Variants in ISM1 observed in about 807,000 individuals in gnomAD.
ISM1 encodes isthmin 1.
Under a neutral mutation model 46.3 loss-of-function variants are expected in ISM1, and 25 were observed. The ratio of observed to expected loss-of-function variants is 0.54; its 90% confidence interval spans 0.39 to 0.75. The LOEUF is 0.75. Ranked by LOEUF, ISM1 falls within the 30% of genes least tolerant of loss-of-function variation. ISM1 has a pLI of 0.00. For synonymous variants in ISM1, 255 were observed against 256.7 expected, an observed-to-expected ratio of 0.99 and a Z score of 0.06; for missense variants, 536 against 625.4, an observed-to-expected ratio of 0.86 and a Z score of 1.52.
Position 13,299,181 on chromosome 20 carries a change from C to A in ISM1, c.1117C>A (p.Leu373Met). 6.2e-7 allele frequency: 1 copy of A among 1,607,152 alleles called. No individual in the cohort carries two copies. Among genetic ancestry groups the A allele is most frequent in the Non-Finnish European group, 8.5e-7 (1 of 1,176,840 alleles). ...PTARYCIRSMLSLESTTLAAQ... is the reference protein window; with the variant it reads ...PTARYCIRSMMSLESTTLAAQ... ...TGCCCGGTACTGCATCCGCTCCATG[C>A]TGTCCCTGGAGAGCACCACGCTGGC... Residue 373 changes from leucine to methionine, a missense_variant, in exon 6 of 6, where the codon CTG becomes ATG. Physicochemically the swap from Leu to Met is conservative, Grantham distance 15. Around this residue, in one of 2 missense-constraint regions of ISM1, gnomAD observed 169 missense variants for 249.3 expected, o/e 0.68. Coordinates refer to ENST00000262487, the MANE Select transcript of ISM1 (RefSeq NM_080826.2). This position sits in a 1 kb window ranked among gnomAD's most constrained non-coding sequence, Gnocchi z 5.8.
the ISM1 span, among the ~76,000 whole-genome samples, chr20:13,314,062 A>T: frequency 6.6e-6 from 1 of 152,222 alleles, no homozygotes; most frequent in Non-Finnish European, 1.5e-5. Context: ...AGACATCTCA[A>T]TAGAAACCAC....
the ISM1 span, among the ~76,000 whole-genome samples, chr20:13,323,579 T>C: frequency 6.6e-6 from 1 of 152,230 alleles, no homozygotes; most frequent in Non-Finnish European, 1.5e-5. Context: ...ATTTACTTTG[T>C]TAGGCAACAT....
chr20:13,288,320 T>A (rs914406280), intron 3 of ISM1, among the ~76,000 whole-genome samples: 1 of 152,194 alleles, frequency 6.6e-6, no homozygotes, highest in African/African-American at 2.4e-5. Context: ...TCTAGGGATG[T>A]ACAGACCACC....
chr20:13,285,130 T>G (rs2040277910), intron 3 of ISM1, among the ~76,000 whole-genome samples: 1 of 151,998 alleles, frequency 6.6e-6, no homozygotes, highest in South Asian at 2.1e-4. Context: ...CTATAAAATT[T>G]TTTTGAAAAC....
intron 1 of ISM1, among the ~76,000 whole-genome samples, chr20:13,241,248 A>G (rs898885323): frequency 2.0e-5 from 3 of 152,138 alleles, no homozygotes; most frequent in Admixed American, 2.0e-4. Context: ...GAACAAATGG[A>G]AGGTGAGGAA....
At chr20:13,244,004 A>G (rs6078963) in intron 1 of ISM1, 14,110 of 152,264 alleles carry the variant, frequency 0.093, 862 homozygotes, top group East Asian at 0.17. Flanking sequence ...GTGTTTGTCT[A>G]TTACCACATC....
chr20:13,231,011 CTT>C (rs2039582201), intron 1 of ISM1, among the ~76,000 whole-genome samples: 1 of 152,194 alleles, frequency 6.6e-6, no homozygotes. Flanking sequence ...CCTTCTGGCT[CTT>C]TCTCTTCCCT....
intron 1 of ISM1, among the ~76,000 whole-genome samples, chr20:13,224,379 G>A (rs1418968691): frequency 2.0e-5 from 3 of 152,192 alleles, no homozygotes; most frequent in Non-Finnish European, 4.4e-5. Context: ...ACATTTATTA[G>A]TCCATCGTTT....
intron 5 of ISM1, among the ~76,000 whole-genome samples, chr20:13,295,803 G>A (rs996457250): frequency 1.3e-5 from 2 of 152,176 alleles, no homozygotes; most frequent in African/African-American, 4.8e-5. Context: ...CCCCTACCAC[G>A]CTCAGTCATT....
At chr20:13,249,630 A>G (rs2039842680) in intron 1 of ISM1, among the ~76,000 whole-genome samples, 1 of 152,184 alleles carries the variant, frequency 6.6e-6, no homozygotes, top group Admixed American at 6.5e-5. Context: ...GTTGGTTTTA[A>G]TCTCTGTAGT....
intron 1 of ISM1, among the ~76,000 whole-genome samples, chr20:13,254,826 G>A (rs1179246998): frequency 6.6e-6 from 1 of 152,232 alleles, no homozygotes. Context: ...CATGGTTCGA[G>A]AGATGTAGGA....
chr20:13,324,761 C>A, the ISM1 span, among the ~76,000 whole-genome samples: 1 of 152,160 alleles, frequency 6.6e-6, no homozygotes, highest in Admixed American at 6.5e-5. Context: ...CCTAGCACCA[C>A]TACAGAAAGC....
chr20:13,242,825 TG>T (rs2123169268), intron 1 of ISM1, among the ~76,000 whole-genome samples: 1 of 152,318 alleles, frequency 6.6e-6, no homozygotes, highest in East Asian at 1.9e-4. Flanking sequence ...TGTGAAGTAG[TG>T]GGAGCTGGTA....
At chr20:13,242,732 A>G (rs1214731758) in intron 1 of ISM1, among the ~76,000 whole-genome samples, 1 of 152,168 alleles carries the variant, frequency 6.6e-6, no homozygotes, top group African/African-American at 2.4e-5. Flanking sequence ...TAAAAGCATC[A>G]GATGAGGGGT....
chr20:13,319,101 A>G, the ISM1 span, among the ~76,000 whole-genome samples: 1 of 152,150 alleles, frequency 6.6e-6, no homozygotes, highest in Non-Finnish European at 1.5e-5. Context: ...AGTCAGAGAG[A>G]GTATGTCTCT....
intron 1 of ISM1, among the ~76,000 whole-genome samples, chr20:13,265,353 C>T (rs1286387801): frequency 6.6e-6 from 1 of 152,108 alleles, no homozygotes. Context: ...TTTATAATAC[C>T]TACCTCAAAT....
intron 2 of ISM1, among the ~76,000 whole-genome samples, chr20:13,278,246 C>G (rs191180546): frequency 6.6e-6 from 1 of 152,166 alleles, no homozygotes; most frequent in African/African-American, 2.4e-5. Context: ...CTTCCAGCCC[C>G]GTGACAGACT....
intron 4 of ISM1, among the ~76,000 whole-genome samples, chr20:13,290,246 A>G (rs951697609): frequency 6.6e-6 from 1 of 152,188 alleles, no homozygotes; most frequent in African/African-American, 2.4e-5. Flanking sequence ...GAAATAAGCA[A>G]TAAATAATAA....
Position 13,288,687 on chromosome 20 carries a change from C to A in ISM1, c.787+4C>A, listed in dbSNP as rs368714674. ...TGTGACCGTCCAAACTGCCCAGGTG[C>A]GTTTACCTGAGTGTGTAGCTCCAAG... On this transcript the variant is annotated splice_donor_region_variant and intron_variant, in intron 4 of 5. Transcript: ENST00000262487. 1.9e-6 allele frequency: 3 copies of A among 1,611,342 alleles called. No homozygotes were observed. The highest frequency in any genetic ancestry group is 1.3e-5 in the African/African-American group (1 of 74,886).
Sources: gnomAD v4.1 joint callset for allele counts (sites outside exome capture counted in the v4.1 genomes callset) on GRCh38, gnomAD v4.1.1 for gene constraint, gnomAD v4.1.1 regional missense constraint, Gnocchi (gnomAD v3.1) non-coding constraint, MANE v1.5 for transcripts, NCBI Gene and HGNC (gene_info 2026-07-23, HGNC 2026-07-21) for gene names.